ADAMTSL1: variants seen among roughly 807,000 people sequenced by gnomAD.
ADAMTSL1 encodes the protein ADAMTS-like protein 1.
In ADAMTSL1, 126 loss-of-function variants were observed where a neutral mutation model predicts 201.8. The ratio of observed to expected loss-of-function variants is 0.62; its 90% CI spans 0.54 to 0.72. ADAMTSL1 has a LOEUF of 0.72. ADAMTSL1 is among the 30% of genes least tolerant of loss of function. The pLI is 0.00. For synonymous variants in ADAMTSL1, 1,121 were observed against 903.4 expected (o/e 1.24, Z -4.32); for missense variants, 2,679 against 2,277.8 (o/e 1.18, Z -3.59).
At chr9:18,479,532 G>A (rs557957529) in intron 1 of ADAMTSL1, among the ~76,000 whole-genome samples, 17 of 152,264 alleles carry the variant, frequency 1.1e-4, no homozygotes, top group Non-Finnish European at 1.6e-4. Flanking sequence ...TACAGTCAGC[G>A]CTTAGTAATT....
At chr9:18,019,938 G>A (rs540146029) in intron 1 of ADAMTSL1, among the ~76,000 whole-genome samples, 2 of 152,230 alleles carry the variant, frequency 1.3e-5, no homozygotes, top group South Asian at 4.1e-4. Flanking sequence ...CTGGTTAGAT[G>A]TTAGAATCAC....
At chr9:18,699,006 G>C (rs1831752622) in intron 13 of ADAMTSL1, among the ~76,000 whole-genome samples, 2 of 152,296 alleles carry the variant, frequency 1.3e-5, no homozygotes, top group Middle Eastern at 6.8e-3. Flanking sequence ...CAAACATCAA[G>C]ATCCCAGGCT....
chr9:18,652,605 G>A (rs34476081), intron 7 of ADAMTSL1, among the ~76,000 whole-genome samples: 17,921 of 152,084 alleles, frequency 0.12, 1,329 homozygotes, highest in Non-Finnish European at 0.16. Context: ...GAAATATTCA[G>A]CACTTTATTA....
At chr9:18,237,370 G>A (rs1830888647) in intron 2 of ADAMTSL1, among the ~76,000 whole-genome samples, 1 of 152,188 alleles carries the variant, frequency 6.6e-6, no homozygotes, top group African/African-American at 2.4e-5. Flanking sequence ...TTCACTCTGT[G>A]TTGGCCCTTA....
At chr9:18,094,782 G>A (rs951954738) in intron 1 of ADAMTSL1, among the ~76,000 whole-genome samples, 1 of 150,326 alleles carries the variant, frequency 6.7e-6, no homozygotes, top group African/African-American at 2.5e-5. Context: ...TAGCCAGGAT[G>A]CTCTCAATCT....
chr9:17,970,106 T>C (rs1220854968), intron 1 of ADAMTSL1, among the ~76,000 whole-genome samples: 4 of 152,024 alleles, frequency 2.6e-5, no homozygotes, highest in African/African-American at 9.7e-5. Flanking sequence ...TTAACACTGA[T>C]ATTTTCCTCT....
intron 2 of ADAMTSL1, among the ~76,000 whole-genome samples, chr9:18,301,524 AAAGT>A (rs1448180697): frequency 2.6e-5 from 4 of 152,192 alleles, no homozygotes; most frequent in African/African-American, 4.8e-5. Context: ...GCACAGTAAG[AAAGT>A]AACAACAATA....
intron 20 of ADAMTSL1, among the ~76,000 whole-genome samples, chr9:18,807,610 C>T (rs933107952): frequency 4.7e-5 from 7 of 149,564 alleles, no homozygotes; most frequent in Non-Finnish European, 1.0e-4. Context: ...CGCACCACTG[C>T]ACTCCAGCCA....
intron 14 of ADAMTSL1, among the ~76,000 whole-genome samples, chr9:18,713,227 A>G (rs1832719570): frequency 6.6e-6 from 1 of 152,188 alleles, no homozygotes; most frequent in South Asian, 2.1e-4. Context: ...TCATAATGAC[A>G]GGATCATATT....
intron 1 of ADAMTSL1, among the ~76,000 whole-genome samples, chr9:17,952,774 G>T (rs951343556): frequency 2.0e-5 from 3 of 152,052 alleles, no homozygotes; most frequent in African/African-American, 7.2e-5. Context: ...CCATCCATCT[G>T]ACTTGGCCTC....
At position 18,721,529 on chromosome 9, in the gene ADAMTSL1, T is replaced by C. The variant is rs1833371614; in HGVS notation, c.1877-7T>C. On this transcript the variant is annotated splice_region_variant and splice_polypyrimidine_tract_variant and intron_variant, in intron 14 of 28. Transcript: ENST00000380548. ...CACTCTGGCCTGACCGTGTGATTTG[T>C]ACACAGGTGTCCAGGAGGCTGTGGT... The C allele has an allele frequency of 6.2e-7, 1 of 1,613,812 alleles. No homozygotes were observed. The highest frequency in any genetic ancestry group is 1.1e-5 in the South Asian group (1 of 91,066).
Position 18,644,524 on chromosome 9 carries a change from C to A in ADAMTSL1, c.834+5113C>A, listed in dbSNP as rs189641082. Among the ~76,000 whole-genome samples the A allele has an allele frequency of 7.8e-3, 1,184 of 152,048 alleles. 16 individuals are homozygous for A. The highest frequency in any genetic ancestry group is 0.027 in the African/African-American group (1,123 of 41,446). ...TTGGTATTAGGTATATCTCCTAATG[C>A]TATCCCTCCCCCCTACCCCCACCCC... On this transcript the variant is annotated intron_variant, in intron 7 of 28. Transcript: ENST00000380548.
chr9:18,008,609 C>G (rs1020726956), intron 1 of ADAMTSL1, among the ~76,000 whole-genome samples: 36 of 151,928 alleles, frequency 2.4e-4, no homozygotes, highest in African/African-American at 8.5e-4. Flanking sequence ...ACAGTCTACA[C>G]AGGGACTCAG....
chr9:18,151,112 T>A (rs1415372400), intron 1 of ADAMTSL1, among the ~76,000 whole-genome samples: 2 of 152,034 alleles, frequency 1.3e-5, no homozygotes, highest in Non-Finnish European at 2.9e-5. Flanking sequence ...TCCATCTATT[T>A]AATGAATACA....
intron 1 of ADAMTSL1, among the ~76,000 whole-genome samples, chr9:17,916,172 C>T (rs776030965): frequency 3.3e-5 from 5 of 152,218 alleles, no homozygotes; most frequent in Non-Finnish European, 5.9e-5. Context: ...CTGCTCACTT[C>T]AGCCTCCCAA....
Position 18,004,344 on chromosome 9 carries a change from G to C in ADAMTSL1, c.87+97422G>C, listed in dbSNP as rs573620270. ...GAAGGGGCTTTATTTCTGAGCTCTG[G>C]CTGCTTCCATAGGAAGCAGATTCAG... On this transcript the variant is annotated intron_variant, in intron 1 of 29. Coordinates refer to the ADAMTSL1 transcript ENST00000680146. Among the ~76,000 whole-genome samples the C allele has an allele frequency of 4.0e-4, 61 of 152,084 alleles. No individual in the cohort carries two copies. The South Asian group carries it at 0.012, about 30-fold the overall frequency.
At chr9:18,902,231 G>T (rs1312880576) in intron 26 of ADAMTSL1, among the ~76,000 whole-genome samples, 1 of 152,130 alleles carries the variant, frequency 6.6e-6, no homozygotes, top group Non-Finnish European at 1.5e-5. Flanking sequence ...AAGAAACAGA[G>T]CAACTGAACA....
intron 2 of ADAMTSL1, among the ~76,000 whole-genome samples, chr9:18,416,623 T>G (rs1818688364): frequency 1.3e-5 from 2 of 152,054 alleles, no homozygotes; most frequent in South Asian, 4.1e-4. Context: ...AATCTACATT[T>G]GATATATTAA....
chr9:18,776,019 T>C (rs1396513695), intron 18 of ADAMTSL1, 123 bp downstream of exon 18: 24 of 1,301,726 alleles, frequency 1.8e-5, no homozygotes, highest in Non-Finnish European at 2.3e-5. Context: ...TAGAACCCCA[T>C]GGAGGGCTGC....
Sources: allele counts gnomAD v4.1 joint callset (sites outside exome capture counted in the v4.1 genomes callset), GRCh38; gene constraint gnomAD v4.1.1; transcripts MANE v1.5; gene names NCBI Gene and HGNC (gene_info 2026-07-23, HGNC 2026-07-21).